PHF21B: variants seen among roughly 807,000 people sequenced by gnomAD.
PHF21B encodes the protein PHD finger protein 21B.
Under a neutral mutation model 62.2 loss-of-function variants are expected in PHF21B, and 22 were observed. That is an observed-to-expected ratio of 0.35 (90% CI 0.25 to 0.51). The LOEUF is 0.51. Among genes scored for constraint, PHF21B ranks in the 20% least tolerant of loss-of-function variants. The pLI, the probability that PHF21B is intolerant of heterozygous loss-of-function variation, is 0.97. For missense variants in PHF21B, 701 were observed against 707.9 expected (o/e 0.99, Z 0.11); for synonymous variants, 341 against 314.7 (o/e 1.08, Z -0.88).
intron 2 of PHF21B, among the ~76,000 whole-genome samples, chr22:45,004,159 G>A (rs947175166): frequency 2.6e-5 from 4 of 152,208 alleles, no homozygotes; most frequent in Non-Finnish European, 2.9e-5. Flanking sequence ...ATGGATGGTA[G>A]TGAAGGCTGT....
chr22:44,939,444 C>T (rs1239172794), intron 2 of PHF21B, among the ~76,000 whole-genome samples: 2 of 152,232 alleles, frequency 1.3e-5, no homozygotes, highest in African/African-American at 2.4e-5. Context: ...GCAGGAAGCA[C>T]TGCGCACTGA....
intron 5 of PHF21B, among the ~76,000 whole-genome samples, chr22:44,911,611 A>G (rs2071345218): frequency 6.6e-6 from 1 of 152,242 alleles, no homozygotes; most frequent in African/African-American, 2.4e-5. Flanking sequence ...GCAGGTGCAG[A>G]GAAGTCAAGA....
intron 2 of PHF21B, among the ~76,000 whole-genome samples, chr22:45,002,607 T>C (rs556593732): frequency 1.7e-4 from 26 of 152,292 alleles, no homozygotes; most frequent in Non-Finnish European, 2.9e-4. Flanking sequence ...CACCTAAGTA[T>C]CTCATGCACT....
At chr22:44,929,051 G>A (rs578033061) in intron 2 of PHF21B, among the ~76,000 whole-genome samples, 4 of 152,330 alleles carry the variant, frequency 2.6e-5, no homozygotes, top group Non-Finnish European at 4.4e-5. Context: ...CAGCCGCCAC[G>A]CGCACAGCCA....
chr22:44,954,753 C>A (rs1419203731), intron 2 of PHF21B, among the ~76,000 whole-genome samples: 1 of 152,218 alleles, frequency 6.6e-6, no homozygotes, highest in Non-Finnish European at 1.5e-5. Context: ...AGAGACCGGG[C>A]TTGATGCACC....
chr22:44,887,371 G>A (rs1006047463), intron 10 of PHF21B, among the ~76,000 whole-genome samples: 13 of 152,204 alleles, frequency 8.5e-5, no homozygotes, highest in African/African-American at 2.9e-4. Context: ...TGTAAAGCCT[G>A]TTTTTTATCT....
intron 2 of PHF21B, among the ~76,000 whole-genome samples, chr22:44,951,633 C>T (rs1433160970): frequency 1.3e-5 from 2 of 152,216 alleles, no homozygotes; most frequent in South Asian, 2.1e-4. Context: ...TTTTTCATTG[C>T]TGCATAGTAT....
rs144795576 is a variant in PHF21B at position 44,998,525 on chromosome 22, C to T, written c.120+10020G>A. Among the ~76,000 whole-genome samples, 732 of 152,244 alleles carry T rather than the reference C, an allele frequency of 4.8e-3. 4 individuals carry two copies. The highest frequency in any genetic ancestry group is 0.027 in the Middle Eastern group (8 of 292). ...TAAGATGAGGGGCTTGGCCGAGGTGCTCCCCTTGGTTCTCACATCCTATGC... is the reference window on the plus strand; with the variant it reads ...TAAGATGAGGGGCTTGGCCGAGGTGTTCCCCTTGGTTCTCACATCCTATGC... On this transcript the variant is annotated intron_variant, in intron 2 of 12. Coordinates refer to ENST00000313237, the MANE Select transcript of PHF21B (RefSeq NM_138415.5).
chr22:44,940,486 G>A (rs2071934778), intron 2 of PHF21B, among the ~76,000 whole-genome samples: 1 of 152,198 alleles, frequency 6.6e-6, no homozygotes, highest in African/African-American at 2.4e-5. Context: ...TTCAGATTTT[G>A]GGGTCCCAAG....
In PHF21B at chr22:45,009,148, G is replaced by A; in HGVS notation, c.54+348C>T. On this transcript the variant is annotated intron_variant, in intron 1 of 12. Coordinates refer to ENST00000313237, the MANE Select transcript of PHF21B (RefSeq NM_138415.5). This position sits in a 1 kb window ranked among gnomAD's most constrained non-coding sequence, Gnocchi z 5.9. ...CCGGGGCGCGGGGGCCCGAGGGGAG[G>A]CCGGAAGGGGGCCTATTCGCACTCC... The A allele has an allele frequency of 5.2e-6, 3 of 575,324 alleles. No homozygotes were observed. Among genetic ancestry groups the A allele is most frequent in the Non-Finnish European group, 7.4e-6 (3 of 404,682 alleles). The allele number at this position is 575,324 out of a possible 1,614,324, so 35.6% of individuals were successfully genotyped here.
chr22:44,920,674 C>G (rs1021483049), intron 2 of PHF21B, among the ~76,000 whole-genome samples, 184 bp from the exon 3 acceptor site: 3 of 152,180 alleles, frequency 2.0e-5, no homozygotes, highest in African/African-American at 7.2e-5. Flanking sequence ...AGTTTGGAAA[C>G]TAGAGAAAGG....
chr22:44,934,963 C>T (rs933620296), intron 2 of PHF21B, among the ~76,000 whole-genome samples: 1 of 152,156 alleles, frequency 6.6e-6, no homozygotes, highest in African/African-American at 2.4e-5. Context: ...AGACATGTGG[C>T]GCTAGGCTTT....
intron 9 of PHF21B, 75 bp downstream of exon 9, chr22:44,889,685 G>A: frequency 6.6e-7 from 1 of 1,518,842 alleles, no homozygotes; most frequent in South Asian, 1.3e-5. Context: ...CTCTTTCCAG[G>A]AGGGACCCTA....
intron 2 of PHF21B, among the ~76,000 whole-genome samples, chr22:44,972,470 G>C (rs2072657871): frequency 6.6e-6 from 1 of 152,052 alleles, no homozygotes; most frequent in Non-Finnish European, 1.5e-5. Context: ...CGAAAACCGA[G>C]TGTTGGCAGA....
intron 2 of PHF21B, among the ~76,000 whole-genome samples, chr22:44,947,170 A>C (rs954250226): frequency 1.3e-5 from 2 of 152,168 alleles, no homozygotes; most frequent in Non-Finnish European, 2.9e-5. Context: ...GAGCTGTCCC[A>C]GTCCCCAGGC....
At chr22:44,906,105 G>A (rs1053017934) in intron 5 of PHF21B, among the ~76,000 whole-genome samples, 14 of 152,082 alleles carry the variant, frequency 9.2e-5, no homozygotes, top group South Asian at 2.1e-4. Flanking sequence ...GCTCAATTCC[G>A]AACCAAGGGT....
At chr22:44,884,387 G>A (rs1436099537) in intron 12 of PHF21B, among the ~76,000 whole-genome samples, 2 of 13,960 alleles carry the variant, frequency 1.4e-4, no homozygotes, top group Admixed American at 8.6e-4. Flanking sequence ...CCACCATCAC[G>A]GTGATGAGCA....
intron 2 of PHF21B, chr22:45,003,355 C>T (rs1367010066): frequency 3.9e-5 from 6 of 152,244 alleles, no homozygotes; most frequent in Non-Finnish European, 5.9e-5. Context: ...CTAAGAACGC[C>T]GCAGAGGCAG....
At chr22:44,948,372 T>G (rs1323528172) in intron 2 of PHF21B, among the ~76,000 whole-genome samples, 1 of 152,142 alleles carries the variant, frequency 6.6e-6, no homozygotes, top group African/African-American at 2.4e-5. Context: ...TCGTTTTGGT[T>G]GCTGTCACTG....
Sources: allele counts gnomAD v4.1 joint callset (sites outside exome capture counted in the v4.1 genomes callset), GRCh38; gene constraint gnomAD v4.1.1; non-coding constraint Gnocchi (gnomAD v3.1); transcripts MANE v1.5; gene names NCBI Gene and HGNC (gene_info 2026-07-23, HGNC 2026-07-21).